Variants in ZBTB46 observed in about 807,000 individuals in gnomAD.
ZBTB46 encodes zinc finger and BTB domain-containing protein 46.
ZBTB46 carries 8 observed loss-of-function variants against 44.1 expected under a neutral mutation model. The ratio of observed to expected loss-of-function variants is 0.18; its 90% CI spans 0.11 to 0.33. ZBTB46 has a LOEUF of 0.33. ZBTB46 is among the 10% of genes least tolerant of loss of function. The probability of loss-of-function intolerance (pLI) is 1.00; values close to 1 mark genes in which losing one functional copy is unlikely to be tolerated. For missense variants in ZBTB46, 651 were observed against 847.7 expected (o/e 0.77, Z 2.88); for synonymous variants, 409 against 382.3 (o/e 1.07, Z -0.81).
intron 3 of ZBTB46, 76 bp downstream of exon 3, chr20:63,775,602 A>T (rs143002051): frequency 0.01 from 14,995 of 1,498,374 alleles, 111 homozygotes; most frequent in Non-Finnish European, 0.011. Context: ...GCCTCATCTC[A>T]TCTTGGCCCG....
chr20:63,755,151 C>T (rs1341832090), intron 3 of ZBTB46, among the ~76,000 whole-genome samples: 1 of 152,240 alleles, frequency 6.6e-6, no homozygotes, highest in African/African-American at 2.4e-5. Flanking sequence ...CAGCTGCGGA[C>T]GGTCCCCTCA....
intron 3 of ZBTB46, among the ~76,000 whole-genome samples, chr20:63,769,666 T>C (rs1024738429): frequency 1.3e-5 from 2 of 152,164 alleles, no homozygotes; most frequent in Non-Finnish European, 2.9e-5. Flanking sequence ...TGAACACCTC[T>C]GGACTGCAGA....
chr20:63,815,567 GGCACAGGTGCAGGTGA>G (rs1174318277), intron 1 of ZBTB46, among the ~76,000 whole-genome samples: 9 of 141,744 alleles, frequency 6.3e-5, no homozygotes, highest in South Asian at 2.3e-4. Context: ...GGTGCAGATG[GGCACAGGTGCAGGTGA>G]GCACAGGTGC....
At chr20:63,828,995 A>G (rs1184522921) in intron 1 of ZBTB46, among the ~76,000 whole-genome samples, 1 of 152,268 alleles carries the variant, frequency 6.6e-6, no homozygotes, top group African/African-American at 2.4e-5. Flanking sequence ...GCAGTGTTGG[A>G]AAGTTCACTC....
At chr20:63,761,550 G>T (rs1440236230) in intron 3 of ZBTB46, among the ~76,000 whole-genome samples, 1 of 152,008 alleles carries the variant, frequency 6.6e-6, no homozygotes. Context: ...TTGGGAGTCC[G>T]AGGCAGGTGG....
At position 63,803,967 on chromosome 20, in the gene ZBTB46, G is replaced by A. The variant is rs898802792; in HGVS notation, c.-33-13177C>T. On this transcript the variant is annotated intron_variant, in intron 1 of 4. Transcript: ENST00000245663. This position sits in a 1 kb window ranked among gnomAD's most constrained non-coding sequence, Gnocchi z 4.0. ...TGCCGCCCTGGCTTCTCAAAGCGCTGGGATGATAGGCGTGAGCCACTGCAC... is the reference window on the plus strand; with the variant it reads ...TGCCGCCCTGGCTTCTCAAAGCGCTAGGATGATAGGCGTGAGCCACTGCAC... 1.3e-5 allele frequency among the ~76,000 whole-genome samples: 2 copies of A among 152,176 alleles called. No individual in the cohort carries two copies. The highest frequency in any genetic ancestry group is 4.8e-5 in the African/African-American group (2 of 41,444).
At chr20:63,764,774 G>T (rs950883668) in intron 3 of ZBTB46, among the ~76,000 whole-genome samples, 8 of 151,748 alleles carry the variant, frequency 5.3e-5, no homozygotes, top group African/African-American at 1.9e-4. Context: ...GGCTAATTTT[G>T]TATTTTTAGT....
intron 3 of ZBTB46, among the ~76,000 whole-genome samples, chr20:63,758,688 A>C (rs1332651633): frequency 6.6e-6 from 1 of 151,290 alleles, no homozygotes; most frequent in East Asian, 1.9e-4. Context: ...TGGGATCTTA[A>C]CCAGAATTGT....
intron 4 of ZBTB46, among the ~76,000 whole-genome samples, chr20:63,750,275 C>T (rs1377165157): frequency 2.0e-5 from 3 of 152,212 alleles, no homozygotes; most frequent in Non-Finnish European, 4.4e-5. Context: ...GACAGGGTCT[C>T]ACTCTGTTGC....
intron 1 of ZBTB46, among the ~76,000 whole-genome samples, chr20:63,791,662 C>A (rs1255325468): frequency 1.3e-5 from 2 of 152,196 alleles, no homozygotes; most frequent in Admixed American, 6.5e-5. Flanking sequence ...CCCTGCCCAG[C>A]ACTGGGACAG....
At chr20:63,766,847 T>C (rs1601420510) in intron 3 of ZBTB46, among the ~76,000 whole-genome samples, 1 of 152,208 alleles carries the variant, frequency 6.6e-6, no homozygotes, top group South Asian at 2.1e-4. Flanking sequence ...GGGGATGGGC[T>C]GTTGGGCAGA....
intron 1 of ZBTB46, among the ~76,000 whole-genome samples, chr20:63,825,042 G>A (rs1304360919): frequency 8.3e-3 from 278 of 33,324 alleles, no homozygotes; most frequent in South Asian, 0.02. Context: ...CTGCACCCCC[G>A]TCTCACCGTC....
chr20:63,827,674 C>G (rs1399084981), intron 1 of ZBTB46, among the ~76,000 whole-genome samples: 1 of 149,058 alleles, frequency 6.7e-6, no homozygotes, highest in Non-Finnish European at 1.5e-5. Context: ...TTGAAAAATA[C>G]ACTAATGTTT....
At chr20:63,788,797 TCACTGCAC>T (rs1272047391) in intron 2 of ZBTB46, among the ~76,000 whole-genome samples, 1 of 148,912 alleles carries the variant, frequency 6.7e-6, no homozygotes, top group Admixed American at 6.7e-5. Flanking sequence ...CGAGATCACG[TCACTGCAC>T]TCCAGCCTGG....
At chr20:63,802,701 C>T (rs1401786706) in intron 1 of ZBTB46, among the ~76,000 whole-genome samples, 2 of 148,790 alleles carry the variant, frequency 1.3e-5, no homozygotes, top group East Asian at 4.0e-4. Context: ...GGCCGACGAC[C>T]GAACCTCAGG....
At chr20:63,771,572 T>TC (rs1363833045) in intron 3 of ZBTB46, among the ~76,000 whole-genome samples, 1 of 152,086 alleles carries the variant, frequency 6.6e-6, no homozygotes, top group Non-Finnish European at 1.5e-5. Flanking sequence ...CGCCGTGAAC[T>TC]CTGAGGCGCT....
chr20:63,827,628 CA>C (rs1176700985), intron 1 of ZBTB46, among the ~76,000 whole-genome samples: 11,849 of 129,780 alleles, frequency 0.091, 912 homozygotes, highest in East Asian at 0.46. Flanking sequence ...AAAAAAAAAA[CA>C]AAAAAAAAAA....
chr20:63,762,045 G>T (rs1194875567), intron 3 of ZBTB46, among the ~76,000 whole-genome samples: 1 of 152,162 alleles, frequency 6.6e-6, no homozygotes, highest in Non-Finnish European at 1.5e-5. Context: ...CACTTTTGGT[G>T]TAACGTTCAA....
intron 1 of ZBTB46, 123 bp from the exon 2 acceptor site, chr20:63,790,913 G>A (rs774530807): frequency 5.2e-6 from 7 of 1,355,414 alleles, no homozygotes; most frequent in South Asian, 1.5e-5. Flanking sequence ...CGACCCACGC[G>A]AGAGCCCATC....
Sources: allele counts gnomAD v4.1 joint callset (sites outside exome capture counted in the v4.1 genomes callset), GRCh38; gene constraint gnomAD v4.1.1; non-coding constraint Gnocchi (gnomAD v3.1); transcripts MANE v1.5; gene names NCBI Gene and HGNC (gene_info 2026-07-23, HGNC 2026-07-21).